Variants in GLIS3 observed in about 807,000 individuals in gnomAD.
GLIS3 encodes the protein zinc finger protein GLIS3.
GLIS3 carries 53 observed loss-of-function variants against 78.6 expected under a neutral mutation model. The observed-to-expected ratio is 0.67, with a 90% CI of 0.54 to 0.85. GLIS3 has a LOEUF of 0.85. GLIS3 is among the 40% of genes least tolerant of loss of function. The probability of loss-of-function intolerance (pLI) is 0.00; values close to 1 mark genes in which losing one functional copy is unlikely to be tolerated. For synonymous variants in GLIS3, 684 were observed against 509.9 expected (o/e 1.34, Z -4.60); for missense variants, 1,703 against 1,231.1 (o/e 1.38, Z -5.74).
At chr9:4,079,767 G>C (rs910693283) in intron 4 of GLIS3, among the ~76,000 whole-genome samples, 1 of 140,482 alleles carries the variant, frequency 7.1e-6, no homozygotes, top group Non-Finnish European at 1.6e-5. Flanking sequence ...AAAGAAAAAA[G>C]AAAACCTACC....
At chr9:3,955,321 TCAGA>T (rs1348017164) in intron 4 of GLIS3, among the ~76,000 whole-genome samples, 8 of 152,292 alleles carry the variant, frequency 5.3e-5, no homozygotes, top group African/African-American at 1.4e-4. Flanking sequence ...AAGAAAAAAG[TCAGA>T]CAGTTTCTCA....
intron 4 of GLIS3, among the ~76,000 whole-genome samples, chr9:3,986,420 C>T (rs184997076): frequency 6.6e-6 from 1 of 152,336 alleles, no homozygotes; most frequent in Admixed American, 6.5e-5. Flanking sequence ...TCACCACCCC[C>T]ACTGTGATCT....
chr9:4,356,411 G>C, the GLIS3 span, among the ~76,000 whole-genome samples: 1 of 152,186 alleles, frequency 6.6e-6, no homozygotes, highest in Non-Finnish European at 1.5e-5. Context: ...CCTGGTATGA[G>C]AATGATCTGG....
At chr9:4,363,822 A>C in the GLIS3 span, among the ~76,000 whole-genome samples, 1 of 152,222 alleles carries the variant, frequency 6.6e-6, no homozygotes, top group East Asian at 1.9e-4. Flanking sequence ...GTACCAGCTA[A>C]ATAATCCCAC....
chr9:3,879,718 G>A, intron 7 of GLIS3, 123 bp from the exon 8 acceptor site: 1 of 1,023,144 alleles, frequency 9.8e-7, no homozygotes, highest in Non-Finnish European at 1.5e-6. Context: ...GTGGTTTTCA[G>A]GGAACAGTTC....
chr9:4,385,751 AAG>A, the GLIS3 span, among the ~76,000 whole-genome samples: 1 of 13,236 alleles, frequency 7.6e-5, no homozygotes, highest in African/African-American at 2.9e-4. Context: ...GAAAGAAAGA[AAG>A]AAAGAAAGAA....
At chr9:4,166,136 G>A (rs559881697) in intron 2 of GLIS3, among the ~76,000 whole-genome samples, 1 of 152,302 alleles carries the variant, frequency 6.6e-6, no homozygotes, top group African/African-American at 2.4e-5. Context: ...GAAAACAATG[G>A]CACATCACAT....
In GLIS3 at chr9:3,953,764, TCTCTCTCTCTCTCTCTCTC is replaced by T. The variant is rs1355758048; in HGVS notation, c.1711-16594_1711-16576del. Reference sequence around the variant, plus strand: ...TTGCCAATGATAATTAGATTTGCTCTCTCTCTCTCTCTCTCTCTCTCTCTCTCTCTCTATATATATATAT... The same window carrying T: ...TTGCCAATGATAATTAGATTTGCTCTTCTCTCTCTCTCTATATATATATAT... On this transcript the variant is annotated intron_variant, in intron 4 of 10. Coordinates refer to ENST00000381971, the MANE Select transcript of GLIS3 (RefSeq NM_001042413.2). 6.9e-3 allele frequency among the ~76,000 whole-genome samples: 342 copies of T among 49,744 alleles called. 2 individuals are homozygous for T. The highest frequency in any genetic ancestry group is 0.022 in the African/African-American group (329 of 14,926). 32.6% of individuals were successfully genotyped at this position (49,744 alleles called of 152,430 possible). A position where few individuals can be genotyped will look rare whatever the true frequency, so the allele number is the denominator to read the frequency against.
At chr9:3,857,295 C>T (rs1304938018) in intron 8 of GLIS3, among the ~76,000 whole-genome samples, 3 of 152,204 alleles carry the variant, frequency 2.0e-5, no homozygotes, top group Non-Finnish European at 4.4e-5. Context: ...GTATAGGTCA[C>T]CATCTGCTTA....
At chr9:3,953,467 C>T (rs1396219572) in intron 4 of GLIS3, among the ~76,000 whole-genome samples, 1 of 152,148 alleles carries the variant, frequency 6.6e-6, no homozygotes, top group East Asian at 1.9e-4. Flanking sequence ...TTGATCTTTA[C>T]ACTGACTTCC....
At chr9:4,334,999 C>G (rs576790198) in intron 2 of GLIS3, among the ~76,000 whole-genome samples, 1 of 145,206 alleles carries the variant, frequency 6.9e-6, no homozygotes, top group Admixed American at 7.0e-5. Flanking sequence ...AGCTCCACCT[C>G]CCGGGTTCAT....
chr9:4,250,969 C>G (rs963227637), intron 2 of GLIS3, among the ~76,000 whole-genome samples: 1 of 9,248 alleles, frequency 1.1e-4, no homozygotes, highest in African/African-American at 1.2e-4. Flanking sequence ...GCACTGTGGT[C>G]TGGGAGACTT....
rs563035924 is a variant in GLIS3, at chr9:3,950,775, A to G, written c.1711-13586T>C. Reference sequence around the variant, plus strand: ...CAGCAGCATGTGTAGTAAGCACCCAATGCAGATGTGTTGAATAACGGACAA... The same window carrying G: ...CAGCAGCATGTGTAGTAAGCACCCAGTGCAGATGTGTTGAATAACGGACAA... On this transcript the variant is annotated intron_variant, in intron 4 of 10. Transcript: ENST00000381971. 1.9e-3 allele frequency among the ~76,000 whole-genome samples: 294 copies of G among 152,356 alleles called. 1 individual carries two copies. The highest frequency in any genetic ancestry group is 6.9e-3 in the African/African-American group (285 of 41,576).
chr9:4,170,020 A>C (rs4740755), intron 2 of GLIS3, among the ~76,000 whole-genome samples: 59,122 of 151,762 alleles, frequency 0.39, 13,421 homozygotes, highest in East Asian at 0.66. Context: ...GCCGGCCCAA[A>C]CCGTCTCTGA....
At position 3,879,547 on chromosome 9, in the gene GLIS3, C is replaced by A. The variant is rs764370927; in HGVS notation, c.2177G>T (p.Gly726Val). ...GACAGGATGTGGGGGTGGTACGGCCCCAGCAGCTGTTCCACTTCGGCTTGA... is the reference window on the plus strand; with the variant it reads ...GACAGGATGTGGGGGTGGTACGGCCACAGCAGCTGTTCCACTTCGGCTTGA... Reference protein sequence around the residue: ...NYSSRSGTAAGAVPPPHPVSH... With the variant: ...NYSSRSGTAAVAVPPPHPVSH... The change falls in exon 8 of 11, where the codon GGG becomes GTG. Residue 726 changes from glycine to valine, a missense_variant. Coordinates refer to ENST00000381971, the MANE Select transcript of GLIS3 (RefSeq NM_001042413.2). 3 of 1,614,040 alleles carry A rather than the reference C, an allele frequency of 1.9e-6. No individual in the cohort carries two copies. The South Asian group carries it at 3.3e-5, about 18-fold the overall frequency.
intron 4 of GLIS3, chr9:3,975,077 T>C (rs1473618482): frequency 2.0e-5 from 3 of 152,076 alleles, no homozygotes; most frequent in Admixed American, 6.6e-5. Context: ...GGTTGCAATG[T>C]AGTTTGAAAA....
At chr9:4,374,631 T>A in the GLIS3 span, among the ~76,000 whole-genome samples, 2 of 152,222 alleles carry the variant, frequency 1.3e-5, no homozygotes, top group African/African-American at 4.8e-5. Context: ...AGGCTGTCAA[T>A]CAGGGCATCT....
intron 2 of GLIS3, among the ~76,000 whole-genome samples, chr9:4,188,208 G>A (rs10974380): frequency 1.3e-5 from 2 of 150,736 alleles, no homozygotes; most frequent in African/African-American, 4.9e-5. Context: ...TAGCATGAAG[G>A]GTTGTTGAAT....
chr9:4,073,765 C>A (rs1827817657), intron 4 of GLIS3, among the ~76,000 whole-genome samples: 1 of 152,162 alleles, frequency 6.6e-6, no homozygotes, highest in Admixed American at 6.5e-5. Context: ...CTTCATCTCT[C>A]ATATGGGTAT....
Sources: gnomAD v4.1 joint callset for allele counts (sites outside exome capture counted in the v4.1 genomes callset) on GRCh38, gnomAD v4.1.1 for gene constraint, MANE v1.5 for transcripts, NCBI Gene and HGNC (gene_info 2026-07-23, HGNC 2026-07-21) for gene names.